TUSC3: variants seen among roughly 807,000 people sequenced by gnomAD.
TUSC3 encodes the protein dolichyl-diphosphooligosaccharide--protein glycosyltransferase subunit TUSC3.
A neutral mutation model predicts 44.8 loss-of-function variants in TUSC3; 45 were observed. The ratio of observed to expected loss-of-function variants is 1.00; its 90% CI spans 0.79 to 1.29. The LOEUF is 1.29. TUSC3 is among the 50% of genes most tolerant of loss of function. TUSC3 has a pLI of 0.00. For synonymous variants in TUSC3, 212 were observed against 152.9 expected (o/e 1.39, Z -2.85); for missense variants, 519 against 437.9 (o/e 1.19, Z -1.65).
intron 8 of TUSC3, among the ~76,000 whole-genome samples, chr8:15,744,508 GTATT>G: frequency 6.6e-6 from 1 of 152,176 alleles, no homozygotes; most frequent in African/African-American, 2.4e-5. Flanking sequence ...CTGAAAAAGA[GTATT>G]TATTAAGATA....
chr8:15,467,748 T>G (rs192707798), intron 1 of TUSC3, among the ~76,000 whole-genome samples: 12 of 152,312 alleles, frequency 7.9e-5, no homozygotes, highest in Admixed American at 5.2e-4. Flanking sequence ...ATGTAATCAG[T>G]CATCTTGAAT....
At chr8:15,691,553 T>A (rs1171182503) in intron 6 of TUSC3, among the ~76,000 whole-genome samples, 2 of 152,198 alleles carry the variant, frequency 1.3e-5, no homozygotes, top group Non-Finnish European at 2.9e-5. Flanking sequence ...CATGTTGCAT[T>A]GGAGTGGTAA....
chr8:15,542,018 G>C (rs1382214692), intron 1 of TUSC3, among the ~76,000 whole-genome samples: 1 of 149,796 alleles, frequency 6.7e-6, no homozygotes, highest in Non-Finnish European at 1.5e-5. Flanking sequence ...TTTTTTGCCA[G>C]TGTTAAGGAT....
intron 2 of TUSC3, among the ~76,000 whole-genome samples, chr8:15,499,828 A>T (rs188808977): frequency 4.6e-5 from 7 of 152,044 alleles, no homozygotes; most frequent in African/African-American, 1.7e-4. Flanking sequence ...AGATTCTAAG[A>T]CTTCTCAGCT....
At chr8:15,631,918 A>G (rs1805784712) in intron 2 of TUSC3, among the ~76,000 whole-genome samples, 1 of 152,108 alleles carries the variant, frequency 6.6e-6, no homozygotes, top group African/African-American at 2.4e-5. Context: ...CGTGTTGGCC[A>G]GGCTGGTCTT....
intron 1 of TUSC3, among the ~76,000 whole-genome samples, chr8:15,445,444 C>T (rs1448442153): frequency 3.3e-5 from 5 of 152,050 alleles, no homozygotes; most frequent in Non-Finnish European, 5.9e-5. Flanking sequence ...CTCTGGTTTT[C>T]CTAGGCAGAG....
intron 9 of TUSC3, among the ~76,000 whole-genome samples, chr8:15,757,446 T>C (rs763647770): frequency 2.6e-5 from 4 of 152,184 alleles, no homozygotes; most frequent in Non-Finnish European, 5.9e-5. Flanking sequence ...ATAGCAATTT[T>C]GCATTGATTT....
chr8:15,785,653 C>T, the TUSC3 span, among the ~76,000 whole-genome samples: 6 of 151,958 alleles, frequency 3.9e-5, no homozygotes, highest in East Asian at 1.2e-3. Context: ...CCAACCATGC[C>T]CCTGCCTCCT....
chr8:15,811,801 C>T, the TUSC3 span, among the ~76,000 whole-genome samples: 1 of 152,014 alleles, frequency 6.6e-6, no homozygotes, highest in Non-Finnish European at 1.5e-5. Context: ...GGCTTAATTA[C>T]ATTTTTAAGT....
At chr8:15,613,065 AT>A (rs1351834383) in intron 1 of TUSC3, among the ~76,000 whole-genome samples, 626 of 7,524 alleles carry the variant, frequency 0.083, 4 homozygotes, top group African/African-American at 0.15. Flanking sequence ...TATATATATG[AT>A]ATATATATAT....
chr8:15,737,002 G>T (rs1386213756), intron 7 of TUSC3, among the ~76,000 whole-genome samples: 1 of 151,974 alleles, frequency 6.6e-6, no homozygotes, highest in South Asian at 2.1e-4. Context: ...AAAAGTAAAG[G>T]TTATACTAGC....
intron 7 of TUSC3, among the ~76,000 whole-genome samples, chr8:15,731,344 A>T (rs1253635013): frequency 2.0e-5 from 3 of 152,154 alleles, no homozygotes; most frequent in African/African-American, 7.2e-5. Flanking sequence ...TAGTTTGGAC[A>T]CTGTTTTGGG....
intron 1 of TUSC3, among the ~76,000 whole-genome samples, chr8:15,586,147 T>C (rs1803592758): frequency 6.6e-6 from 1 of 152,162 alleles, no homozygotes; most frequent in Non-Finnish European, 1.5e-5. Context: ...CAGAGAAGTA[T>C]CCATATATTT....
intron 1 of TUSC3, among the ~76,000 whole-genome samples, chr8:15,436,665 GTAAT>G (rs1799949246): frequency 6.6e-6 from 1 of 151,768 alleles, no homozygotes; most frequent in Non-Finnish European, 1.5e-5. Context: ...AGAACAATAA[GTAAT>G]TACCTGCAAA....
chr8:15,653,727 A>C (rs1224433046), intron 3 of TUSC3, among the ~76,000 whole-genome samples: 1 of 152,216 alleles, frequency 6.6e-6, no homozygotes, highest in African/African-American at 2.4e-5. Flanking sequence ...GAAGTGGAGA[A>C]GTATATGTTT....
intron 1 of TUSC3, among the ~76,000 whole-genome samples, chr8:15,585,734 T>A (rs1224432326): frequency 2.6e-5 from 4 of 152,190 alleles, no homozygotes; most frequent in Admixed American, 6.5e-5. Context: ...TAGCCTTTTT[T>A]ACCTGTTCGA....
At chr8:15,519,386 T>C (rs1801263927) in intron 2 of TUSC3, among the ~76,000 whole-genome samples, 1 of 152,186 alleles carries the variant, frequency 6.6e-6, no homozygotes, top group African/African-American at 2.4e-5. Context: ...ACAAGCTTAT[T>C]ACTCATAAAT....
At chr8:15,691,583 G>T (rs999007809) in intron 6 of TUSC3, among the ~76,000 whole-genome samples, 3 of 152,086 alleles carry the variant, frequency 2.0e-5, no homozygotes, top group Non-Finnish European at 4.4e-5. Context: ...TCTTTATCTT[G>T]TTCCAGCTTT....
In TUSC3 at chr8:15,764,221, C is replaced by T. The variant is rs1563212931; in HGVS notation, c.*65C>T. 15 of 1,606,516 alleles carry T rather than the reference C, an allele frequency of 9.3e-6. No individual in the cohort carries two copies. Among genetic ancestry groups the T allele is most frequent in the Non-Finnish European group, 1.3e-5 (15 of 1,174,504 alleles). ...TTTTCAGCTTTTTAATTAAATGAAG[C>T]CAAGTGGGATTTGCATAAAGTGAAT... On this transcript the variant is annotated 3_prime_UTR_variant, in exon 11 of 11. Coordinates refer to ENST00000503731, the MANE Select transcript of TUSC3 (RefSeq NM_006765.4).
Sources: allele counts gnomAD v4.1 joint callset (sites outside exome capture counted in the v4.1 genomes callset), GRCh38; gene constraint gnomAD v4.1.1; transcripts MANE v1.5; gene names NCBI Gene and HGNC (gene_info 2026-07-23, HGNC 2026-07-21).